The following ASB15 variants were observed in gnomAD, a reference collection of about 807,000 sequenced individuals.
The protein encoded by ASB15 is ankyrin repeat and SOCS box protein 15.
ASB15 carries 54 observed loss-of-function variants against 58.0 expected under a neutral mutation model. That is an observed-to-expected ratio of 0.93 (90% confidence interval 0.75 to 1.17). ASB15 has a LOEUF of 1.17. Among genes scored for constraint, ASB15 ranks in the 50% most tolerant of loss-of-function variants. The pLI is 0.00. For missense variants in ASB15, 680 were observed against 707.4 expected, an observed-to-expected ratio of 0.96 and a Z score of 0.44; for synonymous variants, 249 against 262.4, an observed-to-expected ratio of 0.95 and a Z score of 0.50.
chr7:123,615,076 C>T (rs1800713948), intron 4 of ASB15, among the ~76,000 whole-genome samples: 1 of 152,082 alleles, frequency 6.6e-6, no homozygotes, highest in Admixed American at 6.6e-5. Flanking sequence ...AGCCATGTAG[C>T]CCATTAGTTA....
intron 3 of ASB15, among the ~76,000 whole-genome samples, chr7:123,613,891 T>C (rs541856012): frequency 2.2e-4 from 33 of 151,972 alleles, no homozygotes; most frequent in Non-Finnish European, 4.1e-4. Flanking sequence ...TAAAAAAATA[T>C]GAAAATTAGC....
chr7:123,597,466 G>GA (rs1029798303), upstream of ASB15, among the ~76,000 whole-genome samples: 4 of 152,108 alleles, frequency 2.6e-5, no homozygotes, highest in African/African-American at 4.8e-5. Flanking sequence ...CTATGTATAG[G>GA]AAAAAAACCA....
intron 4 of ASB15, 48 bp downstream of exon 4, chr7:123,614,657 A>T (rs752378496): frequency 5.8e-6 from 7 of 1,214,648 alleles, no homozygotes; most frequent in Non-Finnish European, 8.5e-6. Context: ...TATGGCATTC[A>T]TTTTGTTGTA....
chr7:123,627,820 G>T (rs1164576524), intron 9 of ASB15, among the ~76,000 whole-genome samples: 1 of 152,120 alleles, frequency 6.6e-6, no homozygotes, highest in Non-Finnish European at 1.5e-5. Flanking sequence ...TAACACATTG[G>T]TAGAAGTCTA....
At chr7:123,607,473 ATTTCT>A (rs777194012) in intron 2 of ASB15, among the ~76,000 whole-genome samples, 4 of 152,006 alleles carry the variant, frequency 2.6e-5, no homozygotes, top group African/African-American at 4.8e-5. Flanking sequence ...ATCTCTGATT[ATTTCT>A]TTTATTTATT....
chr7:123,634,610 T>C lies in ASB15; in HGVS notation c.1595-2199T>C, dbSNP rs1802315669. ...AATATGATAGAAAATCAACTCATTA[T>C]CTTAAAAACTGATAAAAGAAAGACT... is the stretch of plus-strand genomic sequence containing the variant. On this transcript the variant is annotated intron_variant, in intron 11 of 11. Transcript: ENST00000451215. 2.0e-5 allele frequency among the ~76,000 whole-genome samples: 3 copies of C among 152,220 alleles called. No individual in the cohort carries two copies. In the South Asian group the frequency reaches 6.2e-4, roughly 32 times the overall value.
chr7:123,611,082 CAAAAAAAA>C (rs34527165), intron 3 of ASB15, among the ~76,000 whole-genome samples: 9 of 81,856 alleles, frequency 1.1e-4, no homozygotes, highest in South Asian at 9.9e-4. Context: ...AACTCCATCT[CAAAAAAAA>C]AAAAAAAAAA....
chr7:123,601,826 C>A lies in ASB15; in HGVS notation c.-333C>A, dbSNP rs530987739. 1.3e-5 allele frequency: 2 copies of A among 152,118 alleles called. No homozygotes were observed. The highest frequency in any genetic ancestry group is 3.9e-4 in the East Asian group (2 of 5,194). 9.4% of individuals were successfully genotyped at this position (152,118 alleles called of 1,614,324 possible). On this transcript the variant is annotated 5_prime_UTR_variant, in exon 1 of 12. Coordinates refer to ENST00000451215, the MANE Select transcript of ASB15 (RefSeq NM_001290258.2). The stretch of plus-strand genomic sequence containing the variant: ...CCAACTGGATACTTAATTTTAGATA[C>A]ACAGAAGCACACATTGGCTCCAGGG...
chr7:123,599,478 A>G (rs2116398604), upstream of ASB15, among the ~76,000 whole-genome samples: 1 of 152,290 alleles, frequency 6.6e-6, no homozygotes, highest in African/African-American at 2.4e-5. Context: ...GTTTTTTAAA[A>G]TCCAGGCCTG....
chr7:123,631,668 A>C (rs1802123607), intron 11 of ASB15, among the ~76,000 whole-genome samples: 1 of 152,178 alleles, frequency 6.6e-6, no homozygotes, highest in South Asian at 2.1e-4. Context: ...CAGAGATCTA[A>C]CCACCATATT....
At position 123,637,066 on chromosome 7, in the gene ASB15, T is replaced by C; in HGVS notation, c.*85T>C. On this transcript the variant is annotated 3_prime_UTR_variant, in exon 12 of 12. Transcript: ENST00000451215. ...TCTTGTAACCATTTTACATCCTTAA[T>C]TGTAAAGTGTATTTAAATTCATTGA... 1.1e-6 allele frequency: 1 copy of C among 915,224 alleles called. No individual in the cohort carries two copies. The highest frequency in any genetic ancestry group is 1.6e-6 in the Non-Finnish European group (1 of 612,274). The allele number at this position is 915,224 out of a possible 1,614,324, so 56.7% of individuals were successfully genotyped here.
At chr7:123,633,210 A>G (rs1444241696) in intron 11 of ASB15, among the ~76,000 whole-genome samples, 1 of 152,252 alleles carries the variant, frequency 6.6e-6, no homozygotes, top group African/African-American at 2.4e-5. Flanking sequence ...AGTGAGAGTT[A>G]AAAGGGAGAA....
chr7:123,589,551 A>AG (rs1799473671), intron 1 of ASB15, among the ~76,000 whole-genome samples: 1 of 151,862 alleles, frequency 6.6e-6, no homozygotes, highest in Non-Finnish European at 1.5e-5. Flanking sequence ...ACTCTCACTT[A>AG]TGAGTGAGAA....
chr7:123,593,992 T>A (rs1490995197), intron 1 of ASB15, among the ~76,000 whole-genome samples: 1 of 152,130 alleles, frequency 6.6e-6, no homozygotes, highest in Non-Finnish European at 1.5e-5. Flanking sequence ...TCACTCTTTT[T>A]TCTCTAATCT....
At chr7:123,583,740 T>C (rs902747222) in intron 1 of ASB15, among the ~76,000 whole-genome samples, 3 of 151,892 alleles carry the variant, frequency 2.0e-5, no homozygotes, top group Admixed American at 2.0e-4. Context: ...ATAAGAACAC[T>C]GTCTCTTTTC....
intron 1 of ASB15, among the ~76,000 whole-genome samples, chr7:123,583,724 T>C (rs1799299213): frequency 6.6e-6 from 1 of 151,922 alleles, no homozygotes; most frequent in Non-Finnish European, 1.5e-5. Context: ...CTTCTGATCC[T>C]TAAGCATAAG....
chr7:123,582,708 T>C (rs994491137), intron 1 of ASB15, among the ~76,000 whole-genome samples: 3 of 151,976 alleles, frequency 2.0e-5, no homozygotes, highest in African/African-American at 7.2e-5. Context: ...TTATATCGTC[T>C]AAGGCATACT....
At chr7:123,580,965 A>G (rs1392494618) in intron 1 of ASB15, among the ~76,000 whole-genome samples, 7 of 151,830 alleles carry the variant, frequency 4.6e-5, no homozygotes. Flanking sequence ...AAGAGTTCAA[A>G]ATACAGAACA....
At chr7:123,583,514 T>G (rs1799292351) in intron 1 of ASB15, among the ~76,000 whole-genome samples, 1 of 151,990 alleles carries the variant, frequency 6.6e-6, no homozygotes, top group African/African-American at 2.4e-5. Flanking sequence ...AGTTTTAAAT[T>G]CTACTTCAAT....
Sources: allele counts gnomAD v4.1 joint callset (sites outside exome capture counted in the v4.1 genomes callset), GRCh38; gene constraint gnomAD v4.1.1; transcripts MANE v1.5; gene names NCBI Gene and HGNC (gene_info 2026-07-23, HGNC 2026-07-21).